Variants in OR51B5 observed in about 807,000 individuals in gnomAD.
The protein encoded by OR51B5 is olfactory receptor 51B5.
For missense variants in OR51B5, 456 were observed against 374.6 expected, an observed-to-expected ratio of 1.22 and a Z score of -1.79; for synonymous variants, 186 against 144.8, an observed-to-expected ratio of 1.28 and a Z score of -2.04.
chr11:5,344,402 T>TTC (rs1410411282), upstream of OR51B5, among the ~76,000 whole-genome samples: 1 of 152,102 alleles, frequency 6.6e-6, no homozygotes, highest in East Asian at 1.9e-4. Flanking sequence ...CCTCTCTCAT[T>TTC]TCAAGTTCTC....
At chr11:5,441,622 T>C in intron 1 of OR51B5, 1 of 818,086 alleles carries the variant, frequency 1.2e-6, no homozygotes, top group South Asian at 1.7e-5. Context: ...TTGAAAATGA[T>C]TGCCTGTATT....
chr11:5,417,448 T>G lies in OR51B5; in HGVS notation n.85-70538A>C, dbSNP rs61894099. On this transcript the variant is annotated intron_variant and non_coding_transcript_variant, in intron 1 of 4. Transcript: ENST00000415970. ...AAATGGGATCTAATTAAACTAAAGA[T>G]CTTCTGCGCAGCAAAAGAAACTACC... Among the ~76,000 whole-genome samples, 4,936 of 150,560 alleles carry G rather than the reference T, an allele frequency of 0.033. 387 individuals carry two copies. In the East Asian group the frequency reaches 0.37, roughly 11 times the overall value.
At chr11:5,352,396 A>C (rs1450574791) in intron 1 of OR51B5, 1 of 1,612,672 alleles carries the variant, frequency 6.2e-7, no homozygotes, top group South Asian at 1.1e-5. Context: ...AACTAAGCAG[A>C]TTCAGAGTGG....
At chr11:5,383,450 T>C (rs1849640800) in intron 1 of OR51B5, among the ~76,000 whole-genome samples, 1 of 152,236 alleles carries the variant, frequency 6.6e-6, no homozygotes, top group Non-Finnish European at 1.5e-5. Flanking sequence ...AAAGCCACTG[T>C]GAACATCACA....
intron 1 of OR51B5, chr11:5,422,641 G>A: frequency 6.2e-7 from 1 of 1,614,042 alleles, no homozygotes; most frequent in Non-Finnish European, 8.5e-7. Context: ...GTAGAACTGG[G>A]TTAGCCATCA....
At chr11:5,455,015 T>C (rs974144332) in intron 1 of OR51B5, 2 of 152,370 alleles carry the variant, frequency 1.3e-5, no homozygotes, top group Non-Finnish European at 2.9e-5. Context: ...CAAACACTCA[T>C]ACATTGCTTT....
Position 5,367,830 on chromosome 11 carries a change from C to T in OR51B5, n.85-20920G>A, listed in dbSNP as rs527645879. On this transcript the variant is annotated intron_variant and non_coding_transcript_variant, in intron 1 of 4. Coordinates refer to the OR51B5 transcript ENST00000415970. Reference sequence around the variant, plus strand: ...AGCACCCAGAATAGAGGCACTTGCACAATATATGCATTCAAAAATGTATTT... The same window carrying T: ...AGCACCCAGAATAGAGGCACTTGCATAATATATGCATTCAAAAATGTATTT... Among the ~76,000 whole-genome samples, 7 of 152,274 alleles carry T rather than the reference C, an allele frequency of 4.6e-5. No homozygotes were observed. The South Asian group carries it at 1.0e-3, about 23-fold the overall frequency.
intron 1 of OR51B5, chr11:5,489,192 C>T: frequency 6.2e-7 from 1 of 1,612,324 alleles, no homozygotes; most frequent in Non-Finnish European, 8.5e-7. Context: ...TCTCCCCCTT[C>T]ATCTTCTTGC....
intron 1 of OR51B5, among the ~76,000 whole-genome samples, chr11:5,382,007 C>T (rs1476276705): frequency 6.6e-6 from 1 of 152,172 alleles, no homozygotes; most frequent in Non-Finnish European, 1.5e-5. Flanking sequence ...CATCTGTTTC[C>T]AGTGCAGACT....
intron 1 of OR51B5, among the ~76,000 whole-genome samples, chr11:5,365,188 C>A (rs1849346020): frequency 6.6e-6 from 1 of 152,138 alleles, no homozygotes; most frequent in Admixed American, 6.5e-5. Flanking sequence ...GAGTGTAGGG[C>A]TGGCAACTGT....
intron 1 of OR51B5, among the ~76,000 whole-genome samples, chr11:5,383,116 G>C (rs1849635797): frequency 6.6e-6 from 1 of 151,946 alleles, no homozygotes; most frequent in Non-Finnish European, 1.5e-5. Flanking sequence ...AAATGTTGAT[G>C]GCATTTGCTA....
intron 1 of OR51B5, among the ~76,000 whole-genome samples, chr11:5,370,135 A>C (rs1236831366): frequency 6.6e-6 from 1 of 152,196 alleles, no homozygotes; most frequent in Non-Finnish European, 1.5e-5. Context: ...ACAGGTATAT[A>C]AATGCTAGAG....
At chr11:5,380,295 G>A (rs913363606) in intron 1 of OR51B5, among the ~76,000 whole-genome samples, 31 of 152,138 alleles carry the variant, frequency 2.0e-4, no homozygotes, top group African/African-American at 6.8e-4. Flanking sequence ...GGAGGCAGGG[G>A]GATGGACAAA....
upstream of OR51B5, among the ~76,000 whole-genome samples, chr11:5,344,428 A>G (rs556574215): frequency 6.6e-5 from 10 of 152,030 alleles, no homozygotes; most frequent in South Asian, 2.1e-3. Context: ...ATATTTAAAC[A>G]TCCATCTTCC....
At chr11:5,411,128 C>G (rs1031945512) in intron 1 of OR51B5, among the ~76,000 whole-genome samples, 1 of 152,234 alleles carries the variant, frequency 6.6e-6, no homozygotes, top group African/African-American at 2.4e-5. Flanking sequence ...CCACTCACCA[C>G]TCACTCACTG....
intron 1 of OR51B5, among the ~76,000 whole-genome samples, chr11:5,457,251 C>T (rs1020453680): frequency 5.9e-5 from 9 of 152,178 alleles, no homozygotes; most frequent in Admixed American, 1.3e-4. Context: ...TCTGTTCATG[C>T]ATTAATTCAC....
intron 1 of OR51B5, among the ~76,000 whole-genome samples, chr11:5,371,298 C>G (rs1849443788): frequency 6.6e-6 from 1 of 152,010 alleles, no homozygotes; most frequent in South Asian, 2.1e-4. Flanking sequence ...AACTCAAACA[C>G]AGAAGTTCAA....
At chr11:5,415,833 A>AG (rs1015910869) in intron 1 of OR51B5, among the ~76,000 whole-genome samples, 4 of 152,090 alleles carry the variant, frequency 2.6e-5, no homozygotes, top group Admixed American at 2.6e-4. Flanking sequence ...TCACAGCTGA[A>AG]TTCTACCAGA....
At chr11:5,416,724 T>C (rs10838076) in intron 1 of OR51B5, among the ~76,000 whole-genome samples, 101,607 of 126,150 alleles carry the variant, frequency 0.81, 42,052 homozygotes, top group Non-Finnish European at 0.89. Flanking sequence ...TTACAAGGGA[T>C]GTGAAGGACC....
Sources: allele counts gnomAD v4.1 joint callset (sites outside exome capture counted in the v4.1 genomes callset), GRCh38; gene constraint gnomAD v4.1.1; transcripts MANE v1.5; gene names NCBI Gene and HGNC (gene_info 2026-07-23, HGNC 2026-07-21).